Variants in SH3PXD2A observed in about 807,000 individuals in gnomAD.
SH3PXD2A encodes the protein SH3 and PX domains 2A, also known as SH3 and PX domain-containing protein 2A.
A neutral mutation model predicts 115.2 loss-of-function variants in SH3PXD2A; 32 were observed. The ratio of observed to expected loss-of-function variants is 0.28; its 90% confidence interval spans 0.21 to 0.37. The LOEUF (loss-of-function observed/expected upper bound fraction) is 0.37, where lower values mean the gene tolerates loss of function less well. Ranked by LOEUF, SH3PXD2A falls within the 10% of genes least tolerant of loss-of-function variation. The pLI is 1.00. For missense variants in SH3PXD2A, 1,328 were observed against 1,498.7 expected (o/e 0.89, Z 1.88); for synonymous variants, 610 against 629.1 (o/e 0.97, Z 0.45).
intron 2 of SH3PXD2A, among the ~76,000 whole-genome samples, chr10:103,797,933 A>G (rs7922930): frequency 0.84 from 128,266 of 152,062 alleles, 54,714 homozygotes; most frequent in East Asian, 1. Context: ...CAGAGGGTCC[A>G]TGTGCTGTTC....
rs1253428532 is a variant in SH3PXD2A, at chr10:103,620,723, G to C, written c.802+1747C>G. On this transcript the variant is annotated intron_variant, in intron 10 of 14. Coordinates refer to ENST00000369774, the MANE Select transcript of SH3PXD2A (RefSeq NM_001394015.1). This position sits in a 1 kb window ranked among gnomAD's most constrained non-coding sequence, Gnocchi z 5.3. ...TTGTTTAGGTCTCTTATTTAAGAGAGAGAGAGAGAGAGAGCAAGAGCTGGG... is the reference window on the plus strand; with the variant it reads ...TTGTTTAGGTCTCTTATTTAAGAGACAGAGAGAGAGAGAGCAAGAGCTGGG... Among the ~76,000 whole-genome samples, 1 of 152,220 alleles carries C rather than the reference G, an allele frequency of 6.6e-6. No individual in the cohort carries two copies. Among genetic ancestry groups the C allele is most frequent in the Non-Finnish European group, 1.5e-5 (1 of 68,038 alleles).
intron 5 of SH3PXD2A, among the ~76,000 whole-genome samples, chr10:103,701,566 T>C (rs2037906019): frequency 7.0e-6 from 1 of 142,620 alleles, no homozygotes; most frequent in African/African-American, 2.7e-5. Context: ...CCATCATCTA[T>C]CCATTCATCC....
chr10:103,765,207 A>G (rs1280281852), intron 3 of SH3PXD2A, among the ~76,000 whole-genome samples: 2 of 152,162 alleles, frequency 1.3e-5, no homozygotes, highest in Non-Finnish European at 2.9e-5. Context: ...CTCCTGAGAC[A>G]AGGGGCTGAG....
intron 2 of SH3PXD2A, among the ~76,000 whole-genome samples, chr10:103,771,980 C>T (rs971928356): frequency 6.6e-6 from 1 of 152,164 alleles, no homozygotes; most frequent in African/African-American, 2.4e-5. Context: ...CAGTCATCCC[C>T]CACCCCCATG....
chr10:103,821,457 G>T (rs2039378898), intron 1 of SH3PXD2A, among the ~76,000 whole-genome samples: 1 of 152,090 alleles, frequency 6.6e-6, no homozygotes, highest in Non-Finnish European at 1.5e-5. Context: ...TAGATTTCCT[G>T]GGAATTCTAA....
At chr10:103,834,846 C>T (rs907741421) in intron 1 of SH3PXD2A, among the ~76,000 whole-genome samples, 3 of 152,234 alleles carry the variant, frequency 2.0e-5, no homozygotes, top group African/African-American at 4.8e-5. Flanking sequence ...AGCAGCCCTG[C>T]GGCCTGTAAC....
At chr10:103,674,715 G>A (rs2037507896) in intron 6 of SH3PXD2A, among the ~76,000 whole-genome samples, 1 of 152,094 alleles carries the variant, frequency 6.6e-6, no homozygotes, top group Non-Finnish European at 1.5e-5. Context: ...AGCTACTCAG[G>A]AGGCTGAGGC....
chr10:103,602,901 T>C lies in SH3PXD2A; in HGVS notation c.2317A>G (p.Met773Val). ...NRAESQSQEK[M>V]DISTLRRQLR... ...TGGCGCCGTAAAGTGCTGATGTCCA[T>C]CTTCTCTTGGCTCTGCGACTCTGCT... The change falls in exon 15 of 15, where the codon ATG becomes GTG. Residue 773 changes from methionine to valine, a missense_variant. Transcript: ENST00000369774. The C allele has an allele frequency of 6.2e-7, 1 of 1,614,084 alleles. No individual in the cohort carries two copies. Among genetic ancestry groups the C allele is most frequent in the Non-Finnish European group, 8.5e-7 (1 of 1,179,952 alleles).
intron 1 of SH3PXD2A, among the ~76,000 whole-genome samples, chr10:103,824,244 G>A (rs72819423): frequency 7.2e-5 from 11 of 152,284 alleles, no homozygotes; most frequent in East Asian, 3.9e-4. Flanking sequence ...TGATTTCCTC[G>A]TCTTTAAAAT....
chr10:103,799,708 C>G (rs971754022), intron 2 of SH3PXD2A, among the ~76,000 whole-genome samples: 1 of 152,244 alleles, frequency 6.6e-6, no homozygotes, highest in Non-Finnish European at 1.5e-5. Flanking sequence ...TGAGTCCTTT[C>G]AGGGTTCCCT....
At chr10:103,641,433 A>G (rs3781347) in intron 8 of SH3PXD2A, among the ~76,000 whole-genome samples, 61,601 of 151,866 alleles carry the variant, frequency 0.41, 12,598 homozygotes, top group Middle Eastern at 0.43. Context: ...TCAGAATGGG[A>G]GACTTACCCA....
At chr10:103,796,940 C>A (rs574358722) in intron 2 of SH3PXD2A, among the ~76,000 whole-genome samples, 16 of 149,368 alleles carry the variant, frequency 1.1e-4, no homozygotes, top group African/African-American at 3.7e-4. Flanking sequence ...CAGCTCACTG[C>A]AGCCTGGACC....
intron 2 of SH3PXD2A, among the ~76,000 whole-genome samples, chr10:103,781,718 A>G (rs1024727434): frequency 6.6e-6 from 1 of 152,216 alleles, no homozygotes. Context: ...CCACAGCTGT[A>G]TCTATCAAAC....
intron 7 of SH3PXD2A, chr10:103,661,648 G>A (rs2037305078): frequency 6.1e-6 from 6 of 985,100 alleles, no homozygotes; most frequent in African/African-American, 5.2e-5. Flanking sequence ...CGAGAGAAAA[G>A]GCAGCCCTGC....
At chr10:103,712,219 A>C (rs1437425760) in intron 5 of SH3PXD2A, among the ~76,000 whole-genome samples, 1 of 152,240 alleles carries the variant, frequency 6.6e-6, no homozygotes, top group African/African-American at 2.4e-5. Flanking sequence ...TATAGCATGT[A>C]AATTATACCT....
At chr10:103,668,308 C>T (rs992948862) in intron 7 of SH3PXD2A, among the ~76,000 whole-genome samples, 2 of 152,252 alleles carry the variant, frequency 1.3e-5, no homozygotes, top group Admixed American at 6.5e-5. Flanking sequence ...GGAGGTTACA[C>T]ACCCCACCCA....
chr10:103,755,616 G>A (rs1036022820), intron 3 of SH3PXD2A, among the ~76,000 whole-genome samples: 1 of 152,130 alleles, frequency 6.6e-6, no homozygotes, highest in African/African-American at 2.4e-5. Context: ...GTCCTCCAGT[G>A]TGGAAGTACG....
At chr10:103,733,274 G>A (rs1304265649) in intron 4 of SH3PXD2A, among the ~76,000 whole-genome samples, 1 of 152,144 alleles carries the variant, frequency 6.6e-6, no homozygotes, top group African/African-American at 2.4e-5. Flanking sequence ...CAGGAGTCCT[G>A]TTCAAAGCCT....
chr10:103,795,925 AGG>A (rs1554924430), intron 2 of SH3PXD2A, among the ~76,000 whole-genome samples: 1 of 93,968 alleles, frequency 1.1e-5, no homozygotes, highest in Non-Finnish European at 2.3e-5. Flanking sequence ...GAAGGAAGGA[AGG>A]AAGGCAGGAA....
Sources: allele counts gnomAD v4.1 joint callset (sites outside exome capture counted in the v4.1 genomes callset), GRCh38; gene constraint gnomAD v4.1.1; non-coding constraint Gnocchi (gnomAD v3.1); transcripts MANE v1.5; gene names NCBI Gene and HGNC (gene_info 2026-07-23, HGNC 2026-07-21).